Variants in L3MBTL3 observed in about 807,000 individuals in gnomAD.
L3MBTL3 encodes the protein L3MBTL histone methyl-lysine binding protein 3.
In L3MBTL3, 27 loss-of-function variants were observed where a neutral mutation model predicts 102.3. The ratio of observed to expected loss-of-function variants is 0.26; its 90% CI spans 0.19 to 0.36. The LOEUF (loss-of-function observed/expected upper bound fraction) is 0.36, where lower values mean the gene tolerates loss of function less well. Among genes scored for constraint, L3MBTL3 ranks in the 10% least tolerant of loss-of-function variants. The pLI is 1.00. For synonymous variants in L3MBTL3, 340 were observed against 320.9 expected, an observed-to-expected ratio of 1.06 and a Z score of -0.64; for missense variants, 798 against 955.3, an observed-to-expected ratio of 0.84 and a Z score of 2.17.
chr6:130,049,912 T>A lies in L3MBTL3; in HGVS notation c.289+82T>A, dbSNP rs1170767014. The A allele has an allele frequency of 2.0e-6, 3 of 1,495,102 alleles. No homozygotes were observed. In the African/African-American group the frequency reaches 4.2e-5, roughly 21 times the overall value. The allele number at this position is 1,495,102 out of a possible 1,614,324, so 92.6% of individuals were successfully genotyped here. On this transcript the variant is annotated intron_variant, in intron 5 of 22. Coordinates refer to ENST00000361794, the MANE Select transcript of L3MBTL3 (RefSeq NM_032438.4). ...CCCCACAAACCTGCTCTTTCTTCCC[T>A]AACCCATATTTCAGTTGACAATAGC...
At chr6:130,023,273 CAGG>C (rs1369737481) in intron 2 of L3MBTL3, among the ~76,000 whole-genome samples, 2 of 152,232 alleles carry the variant, frequency 1.3e-5, no homozygotes, top group African/African-American at 4.8e-5. Context: ...AAATGATTAA[CAGG>C]AGTTTATTGT....
Position 130,120,958 on chromosome 6 carries a change from G to A in L3MBTL3, c.1966G>A (p.Gly656Ser), listed in dbSNP as rs1247934446. The A allele has an allele frequency of 6.2e-7, 1 of 1,603,122 alleles. No homozygotes were observed. ...AATGAGAACATCACATGAAGCCAGAGGTAGCCATAATAATTCTCATATTAC... is the reference window on the plus strand; with the variant it reads ...AATGAGAACATCACATGAAGCCAGAAGTAGCCATAATAATTCTCATATTAC... ...SEMRTSHEAR[G>S]AREEPTVQQA... Residue 656 changes from glycine (G) to serine (S), a missense_variant and splice_region_variant, in exon 20 of 23, where the codon GGT becomes AGT. Coordinates refer to ENST00000361794, the MANE Select transcript of L3MBTL3 (RefSeq NM_032438.4).
chr6:130,034,411 A>AT lies in L3MBTL3; in HGVS notation c.-15-8267dup, dbSNP rs1222112996. Among the ~76,000 whole-genome samples, 47 of 152,288 alleles carry AT rather than the reference A, an allele frequency of 3.1e-4. 1 individual carries two copies. The highest frequency in any genetic ancestry group is 3.9e-4 in the East Asian group (2 of 5,190). On this transcript the variant is annotated intron_variant, in intron 2 of 22. Coordinates refer to ENST00000361794, the MANE Select transcript of L3MBTL3 (RefSeq NM_032438.4). The stretch of plus-strand genomic sequence containing the variant: ...ATCTACTTATCTCACTTGATGACTG[A>AT]TTTTTTTACTGTCTGGAGTACTTAT...
At chr6:130,119,560 T>A (rs1160850464) in intron 19 of L3MBTL3, among the ~76,000 whole-genome samples, 2 of 152,162 alleles carry the variant, frequency 1.3e-5, no homozygotes, top group Non-Finnish European at 2.9e-5. Flanking sequence ...CGTAGCTTCA[T>A]CCTTCTACTT....
intron 6 of L3MBTL3, among the ~76,000 whole-genome samples, chr6:130,051,976 A>G (rs976785766): frequency 2.0e-5 from 3 of 152,230 alleles, no homozygotes; most frequent in Admixed American, 6.5e-5. Context: ...CAGTCTGACA[A>G]AGTTCAGCTT....
In L3MBTL3 at chr6:130,140,069, AG is replaced by A; in HGVS notation, c.*317del. On this transcript the variant is annotated 3_prime_UTR_variant, in exon 23 of 23. Transcript: ENST00000361794. ...AATTATTTATGGTAATGGGGGGCAG[AG>A]TAAGAACTTTTGGCATTTTGTAAAC... 1 of 186,270 alleles carries A rather than the reference AG, an allele frequency of 5.4e-6. No individual in the cohort carries two copies. The highest frequency in any genetic ancestry group is 1.2e-4 in the South Asian group (1 of 8,588). The allele number at this position is 186,270 out of a possible 1,614,324, so 11.5% of individuals were successfully genotyped here.
At chr6:130,036,857 G>T (rs955233872) in intron 2 of L3MBTL3, among the ~76,000 whole-genome samples, 1 of 152,116 alleles carries the variant, frequency 6.6e-6, no homozygotes, top group African/African-American at 2.4e-5. Context: ...AGTAGATTTT[G>T]CCAGATTTTC....
Position 130,049,393 on chromosome 6 carries a change from G to A in L3MBTL3, c.214G>A (p.Ala72Thr), listed in dbSNP as rs750511924. The part of the protein sequence containing the change: ...TTWMVPTAQE[A>T]PTSPPSSRPV... ...TTGGATGGTACCAACTGCTCAAGAA[G>A]GTAAGGATGGGTCATCTGCATTTTA... The change falls in exon 4 of 23, where the codon GCC becomes ACC. Residue 72 changes from alanine (A) to threonine (T), a missense_variant and splice_region_variant. Physicochemically the swap from Ala to Thr is moderately conservative, Grantham distance 58. Transcript: ENST00000361794. 1 of 1,508,156 alleles carries A rather than the reference G, an allele frequency of 6.6e-7. No individual in the cohort carries two copies. Among genetic ancestry groups the A allele is most frequent in the South Asian group, 1.2e-5 (1 of 86,252 alleles). The allele number at this position is 1,508,156 out of a possible 1,614,324, so 93.4% of individuals were successfully genotyped here.
chr6:130,059,152 C>T (rs1052915929), intron 9 of L3MBTL3, among the ~76,000 whole-genome samples: 3 of 152,066 alleles, frequency 2.0e-5, no homozygotes, highest in Non-Finnish European at 4.4e-5. Context: ...AAAAGTACTA[C>T]AATAGTATAA....
intron 18 of L3MBTL3, among the ~76,000 whole-genome samples, chr6:130,095,187 A>C (rs1784290438): frequency 6.6e-6 from 1 of 152,222 alleles, no homozygotes; most frequent in African/African-American, 2.4e-5. Context: ...ATTGCCCACT[A>C]AGCAAAATGA....
At chr6:130,052,494 T>C (rs1409654472) in intron 6 of L3MBTL3, among the ~76,000 whole-genome samples, 1 of 152,260 alleles carries the variant, frequency 6.6e-6, no homozygotes, top group Non-Finnish European at 1.5e-5. Flanking sequence ...TAATAACTGC[T>C]AGATCCTTCT....
intron 16 of L3MBTL3, among the ~76,000 whole-genome samples, chr6:130,088,063 G>A (rs1418015064): frequency 6.6e-6 from 1 of 152,002 alleles, no homozygotes. Context: ...TGCTCAAGTG[G>A]GTGGTTCAGT....
In L3MBTL3 at chr6:130,066,495, T is replaced by C; in HGVS notation, c.1000+7T>C. 1 of 1,605,578 alleles carries C rather than the reference T, an allele frequency of 6.2e-7. No homozygotes were observed. Among genetic ancestry groups the C allele is most frequent in the Non-Finnish European group, 8.5e-7 (1 of 1,176,542 alleles). On this transcript the variant is annotated splice_region_variant and intron_variant, in intron 11 of 22. Transcript: ENST00000361794. Reference sequence around the variant, plus strand: ...AAACTCCATCCTCCAAAAGGTTTTGTCACTTTTTGTTTGATATTTTAAATT... The same window carrying C: ...AAACTCCATCCTCCAAAAGGTTTTGCCACTTTTTGTTTGATATTTTAAATT...
intron 19 of L3MBTL3, among the ~76,000 whole-genome samples, chr6:130,110,441 A>G (rs1562320493): frequency 1.3e-5 from 2 of 152,006 alleles, no homozygotes; most frequent in Non-Finnish European, 2.9e-5. Flanking sequence ...TAGGTGTTTT[A>G]TTCTCTTTGT....
At position 130,140,594 on chromosome 6, in the gene L3MBTL3, G is replaced by T. The variant is rs1788182853; in HGVS notation, c.*841G>T. 1 of 152,240 alleles carries T rather than the reference G, an allele frequency of 6.6e-6. No individual in the cohort carries two copies. The highest frequency in any genetic ancestry group is 6.5e-5 in the Admixed American group (1 of 15,276). 9.4% of individuals were successfully genotyped at this position (152,240 alleles called of 1,614,324 possible). A position where few individuals can be genotyped will look rare whatever the true frequency, so the allele number is the denominator to read the frequency against. ...GAGTACGCAGTTGTATGCAGTTATG[G>T]TTGGGGGGAATGTTTGTGAGGGTCT... On this transcript the variant is annotated 3_prime_UTR_variant, in exon 23 of 23. Transcript: ENST00000361794.
chr6:130,118,858 T>C (rs530936738), intron 19 of L3MBTL3, among the ~76,000 whole-genome samples: 31 of 152,314 alleles, frequency 2.0e-4, no homozygotes, highest in African/African-American at 2.6e-4. Flanking sequence ...AGGAAATTTT[T>C]TGGGTCAAAG....
At chr6:130,060,690 CA>C (rs1781834756) in intron 10 of L3MBTL3, among the ~76,000 whole-genome samples, 1 of 150,762 alleles carries the variant, frequency 6.6e-6, no homozygotes, top group Non-Finnish European at 1.5e-5. Context: ...AGGAACAGAC[CA>C]ACAGATACTT....
chr6:130,131,732 C>T (rs1374432167), intron 20 of L3MBTL3, among the ~76,000 whole-genome samples: 1 of 152,142 alleles, frequency 6.6e-6, no homozygotes, highest in African/African-American at 2.4e-5. Context: ...TGTGCCTCCC[C>T]TTTTTAGACT....
chr6:130,101,545 G>A (rs73780144), intron 18 of L3MBTL3, among the ~76,000 whole-genome samples: 2,973 of 152,262 alleles, frequency 0.02, 110 homozygotes, highest in African/African-American at 0.068. Context: ...TCCATCTTGA[G>A]GAATGAGGTG....
Sources: allele counts gnomAD v4.1 joint callset (sites outside exome capture counted in the v4.1 genomes callset), GRCh38; gene constraint gnomAD v4.1.1; transcripts MANE v1.5; gene names NCBI Gene and HGNC (gene_info 2026-07-23, HGNC 2026-07-21).